The following MORC1 variants were observed in gnomAD, a reference collection of about 807,000 sequenced individuals.
MORC1 encodes MORC family CW-type zinc finger protein 1.
MORC1 carries 59 observed loss-of-function variants against 134.9 expected under a neutral mutation model. The ratio of observed to expected loss-of-function variants is 0.44; its 90% CI spans 0.35 to 0.54. The LOEUF (loss-of-function observed/expected upper bound fraction) is 0.54. Ranked by LOEUF, MORC1 falls within the 20% of genes least tolerant of loss-of-function variation. The probability of loss-of-function intolerance (pLI) is 0.00; values close to 1 mark genes in which losing one functional copy is unlikely to be tolerated. For synonymous variants in MORC1, 395 were observed against 391.7 expected (o/e 1.01, Z -0.10); for missense variants, 947 against 1,134.5 (o/e 0.83, Z 2.37).
intron 21 of MORC1, among the ~76,000 whole-genome samples, chr3:108,996,092 C>A (rs997639362): frequency 1.3e-5 from 2 of 151,986 alleles, no homozygotes; most frequent in African/African-American, 4.8e-5. Context: ...GGCAGTGTGA[C>A]CTTTAGCAAG....
Position 109,027,790 on chromosome 3 carries a change from G to A in MORC1, c.1665C>T (p.Val555=). Residue 555 remains valine, a synonymous_variant, in exon 17 of 28, where the codon GTC becomes GTT. Coordinates refer to ENST00000232603, the MANE Select transcript of MORC1 (RefSeq NM_014429.4). ...CTGCCAGTCTATTTTGATACTTTAT[G>A]ACCGACTCTCTAAGTTGCTTCTCTT... The part of the protein sequence containing the change: ...NEKEKQLRES[V]IKYQNRLAEQ... 1.2e-6 allele frequency: 2 copies of A among 1,613,776 alleles called. No individual in the cohort carries two copies. The highest frequency in any genetic ancestry group is 1.7e-6 in the Non-Finnish European group (2 of 1,179,858).
At position 108,963,551 on chromosome 3, in the gene MORC1, T is replaced by A. The variant is rs1947138408; in HGVS notation, c.2662A>T (p.Ile888Phe). Residue 888 changes from isoleucine (I) to phenylalanine (F), a missense_variant, in exon 27 of 28, where the codon ATT becomes TTT. By Grantham distance (21) the Ile-to-Phe change is conservative. Around this residue, in one of 3 missense-constraint regions of MORC1, gnomAD observed 722 missense variants for 817.0 expected, o/e 0.88. Coordinates refer to ENST00000232603, the MANE Select transcript of MORC1 (RefSeq NM_014429.4). ...EKKIKRKLQS[I>F]IYDSNTRGIH... ...CCTCTTGTATTTGAATCATAGATAA[T>A]GGACTGCAATTTCCTCTTTATTTTT... 6.3e-7 allele frequency: 1 copy of A among 1,599,920 alleles called. No homozygotes were observed. Among genetic ancestry groups the A allele is most frequent in the Admixed American group, 1.7e-5 (1 of 58,976 alleles).
chr3:109,064,925 C>A (rs576458394), intron 9 of MORC1, among the ~76,000 whole-genome samples: 39 of 152,274 alleles, frequency 2.6e-4, no homozygotes, highest in Admixed American at 9.8e-4. Context: ...CCTCCTCTAT[C>A]ATTCTGAAGA....
intron 17 of MORC1, among the ~76,000 whole-genome samples, chr3:109,011,607 C>T (rs1576630134): frequency 6.6e-6 from 1 of 151,878 alleles, no homozygotes; most frequent in Admixed American, 6.6e-5. Context: ...CCGCAACCTC[C>T]GCCTCCCAGG....
chr3:109,111,212 C>A (rs1951162870), intron 2 of MORC1, among the ~76,000 whole-genome samples: 1 of 151,698 alleles, frequency 6.6e-6, no homozygotes, highest in Admixed American at 6.6e-5. Flanking sequence ...GGAAAGAAAT[C>A]AACATGTTAA....
At chr3:109,058,169 A>G (rs1382428586) in intron 12 of MORC1, among the ~76,000 whole-genome samples, 1 of 152,190 alleles carries the variant, frequency 6.6e-6, no homozygotes, top group Non-Finnish European at 1.5e-5. Flanking sequence ...GCTGGAAGCT[A>G]TGAAAATGCC....
intron 1 of MORC1, among the ~76,000 whole-genome samples, chr3:109,117,218 AG>A (rs1377234242): frequency 1.3e-5 from 2 of 151,954 alleles, no homozygotes; most frequent in Non-Finnish European, 2.9e-5. Flanking sequence ...TGTCCCACAG[AG>A]CAAGGGTGGC....
At chr3:109,109,275 G>T (rs2107798888) in intron 3 of MORC1, among the ~76,000 whole-genome samples, 1 of 151,796 alleles carries the variant, frequency 6.6e-6, no homozygotes, top group South Asian at 2.1e-4. Context: ...GTTCATTTCT[G>T]TATTGTCTAT....
chr3:108,978,788 T>A (rs975507660), intron 24 of MORC1, among the ~76,000 whole-genome samples: 2 of 152,144 alleles, frequency 1.3e-5, no homozygotes, highest in African/African-American at 4.8e-5. Context: ...TGTTGTTTGT[T>A]TTCCCTGGCC....
At chr3:108,992,939 A>T (rs989937564) in intron 21 of MORC1, among the ~76,000 whole-genome samples, 1 of 152,228 alleles carries the variant, frequency 6.6e-6, no homozygotes, top group African/African-American at 2.4e-5. Context: ...TTTAAAAAAT[A>T]CTTTTTATAA....
intron 17 of MORC1, among the ~76,000 whole-genome samples, chr3:109,013,896 T>C (rs13069988): frequency 7.3e-6 from 1 of 136,790 alleles, no homozygotes; most frequent in Non-Finnish European, 1.5e-5. Flanking sequence ...CTCTCTCTCT[T>C]GCCTTCTTTC....
At chr3:109,114,246 C>T (rs1456678983) in intron 2 of MORC1, 138 bp downstream of exon 2, 2 of 673,320 alleles carry the variant, frequency 3.0e-6, no homozygotes, top group Admixed American at 3.7e-5. Context: ...CCTAGAACAC[C>T]TTGATTTTAT....
In MORC1 at chr3:108,980,373, AC is replaced by A. The variant is rs539782372; in HGVS notation, c.2325-707del. ...TCTCCCACCTAGAGAGTTTTCAGCC[AC>A]CTTTACAACCTATTTCTGCCCATGA... On this transcript the variant is annotated intron_variant, in intron 23 of 27. Transcript: ENST00000232603. 1.8e-4 allele frequency among the ~76,000 whole-genome samples: 28 copies of A among 152,164 alleles called. No homozygotes were observed. The East Asian group carries it at 5.4e-3, about 29-fold the overall frequency.
chr3:109,048,936 C>T (rs576403855), intron 14 of MORC1, among the ~76,000 whole-genome samples: 1 of 152,084 alleles, frequency 6.6e-6, no homozygotes, highest in Non-Finnish European at 1.5e-5. Context: ...GAATACAATT[C>T]AGCCTATAAC....
intron 8 of MORC1, among the ~76,000 whole-genome samples, chr3:109,079,622 C>T (rs977555529): frequency 3.9e-5 from 6 of 151,966 alleles, no homozygotes; most frequent in African/African-American, 1.4e-4. Flanking sequence ...AGCATACCTA[C>T]TATTACCACT....
At chr3:109,114,816 C>G (rs757000996) in intron 1 of MORC1, among the ~76,000 whole-genome samples, 6 of 152,336 alleles carry the variant, frequency 3.9e-5, no homozygotes, top group Non-Finnish European at 7.3e-5. Context: ...CTGAAGAATA[C>G]TGATCAAAAT....
At chr3:108,997,702 G>A (rs1023886799) in intron 21 of MORC1, among the ~76,000 whole-genome samples, 2 of 152,024 alleles carry the variant, frequency 1.3e-5, no homozygotes, top group African/African-American at 4.8e-5. Flanking sequence ...ATGATCAGAT[G>A]GCTAAAATAA....
chr3:109,063,246 A>G lies in MORC1; in HGVS notation c.816-15T>C, dbSNP rs780429308. 1.3e-6 allele frequency: 2 copies of G among 1,490,674 alleles called. No homozygotes were observed. Among genetic ancestry groups the G allele is most frequent in the Non-Finnish European group, 1.9e-6 (2 of 1,072,816 alleles). 92.3% of individuals were successfully genotyped at this position (1,490,674 alleles called of 1,614,324 possible). A position where few individuals can be genotyped will look rare whatever the true frequency, so the allele number is the denominator to read the frequency against. On this transcript the variant is annotated splice_polypyrimidine_tract_variant and intron_variant, in intron 9 of 27. Transcript: ENST00000232603. ...AAAGATACTTTCTGGAAAGAAACAA[A>G]AAGAACATAATCAAGTCAGATTATC...
At chr3:109,040,783 T>C (rs940641816) in intron 14 of MORC1, among the ~76,000 whole-genome samples, 8 of 143,180 alleles carry the variant, frequency 5.6e-5, no homozygotes, top group African/African-American at 2.1e-4. Flanking sequence ...TGAGCACAGA[T>C]TGTGCCACTG....
Sources: gnomAD v4.1 joint callset for allele counts (sites outside exome capture counted in the v4.1 genomes callset) on GRCh38, gnomAD v4.1.1 for gene constraint, gnomAD v4.1.1 regional missense constraint, MANE v1.5 for transcripts, NCBI Gene and HGNC (gene_info 2026-07-23, HGNC 2026-07-21) for gene names.